The following HBS1L variants were observed in gnomAD, a reference collection of about 807,000 sequenced individuals.
The protein encoded by HBS1L is HBS1 like translational GTPase, also known as HBS1-like protein.
A neutral mutation model predicts 88.9 loss-of-function variants in HBS1L; 55 were observed. The observed-to-expected ratio is 0.62, with a 90% CI of 0.50 to 0.77. The LOEUF (loss-of-function observed/expected upper bound fraction) is 0.77, where lower values mean the gene tolerates loss of function less well. Among genes scored for constraint, HBS1L ranks in the 30% least tolerant of loss-of-function variants. The pLI, the probability that HBS1L is intolerant of heterozygous loss-of-function variation, is 0.00. For synonymous variants in HBS1L, 267 were observed against 288.5 expected, an observed-to-expected ratio of 0.93 and a Z score of 0.76; for missense variants, 741 against 829.3, an observed-to-expected ratio of 0.89 and a Z score of 1.31.
intron 4 of HBS1L, among the ~76,000 whole-genome samples, chr6:135,022,306 G>C (rs545109069): frequency 1.4e-5 from 2 of 144,858 alleles, no homozygotes; most frequent in South Asian, 2.2e-4. Context: ...CATGTGATTA[G>C]AATTTGTAAG....
chr6:135,036,632 G>C (rs754599923), intron 4 of HBS1L: 1 of 1,549,034 alleles, frequency 6.5e-7, no homozygotes, highest in Non-Finnish European at 8.7e-7. Context: ...AAGTCAAATG[G>C]TGTTATTGCT....
chr6:135,037,855 T>C, intron 4 of HBS1L: 1 of 1,547,110 alleles, frequency 6.5e-7, no homozygotes, highest in Non-Finnish European at 8.7e-7. Context: ...AAGTTTCTTT[T>C]TTCTATGGAG....
intron 1 of HBS1L, among the ~76,000 whole-genome samples, chr6:135,054,115 G>T (rs1777170128): frequency 2.0e-5 from 3 of 152,306 alleles, no homozygotes. Flanking sequence ...TTTCCACTTT[G>T]AAATTCGTTG....
intron 4 of HBS1L, among the ~76,000 whole-genome samples, chr6:135,029,689 G>A (rs1484627176): frequency 6.6e-6 from 1 of 151,964 alleles, no homozygotes; most frequent in Non-Finnish European, 1.5e-5. Flanking sequence ...AGAAATGTAG[G>A]ATGCTCATTT....
At chr6:135,023,367 C>T (rs1776130618) in intron 4 of HBS1L, among the ~76,000 whole-genome samples, 1 of 152,034 alleles carries the variant, frequency 6.6e-6, no homozygotes, top group African/African-American at 2.4e-5. Context: ...TGGTGTGAAC[C>T]CCAGAGGCGG....
chr6:135,013,232 T>G (rs764216221), intron 4 of HBS1L, among the ~76,000 whole-genome samples: 1 of 152,198 alleles, frequency 6.6e-6, no homozygotes, highest in African/African-American at 2.4e-5. Flanking sequence ...AGCCAATACA[T>G]GTAAAGTACA....
chr6:135,041,941 T>C lies in HBS1L; in HGVS notation c.235+60A>G, dbSNP rs973930625. 20 of 1,474,516 alleles carry C rather than the reference T, an allele frequency of 1.4e-5. No individual in the cohort carries two copies. The African/African-American group carries it at 2.8e-4, about 20-fold the overall frequency. The allele number at this position is 1,474,516 out of a possible 1,614,324, so 91.3% of individuals were successfully genotyped here. On this transcript the variant is annotated intron_variant, in intron 3 of 17. Coordinates refer to ENST00000367837, the MANE Select transcript of HBS1L (RefSeq NM_006620.4). ...TTATAAACACAATAAAACTGATAAA[T>C]TCTGGTGTATTTGGTCATTAATCAC...
chr6:134,992,211 T>C lies in HBS1L; in HGVS notation c.1083+1547A>G, dbSNP rs117903857. Among the ~76,000 whole-genome samples, 70 of 152,352 alleles carry C rather than the reference T, an allele frequency of 4.6e-4. 1 individual carries two copies. In the East Asian group the frequency reaches 9.4e-3, roughly 21 times the overall value. On this transcript the variant is annotated intron_variant, in intron 8 of 17. Transcript: ENST00000367837. ...TTATGAAAGAAATCAATGTCCTATATATGCAGTGCTATTTTCATTGCTTTA... is the reference window on the plus strand; with the variant it reads ...TTATGAAAGAAATCAATGTCCTATACATGCAGTGCTATTTTCATTGCTTTA...
At chr6:135,037,264 C>T (rs148515653) in intron 4 of HBS1L, 2 of 1,551,972 alleles carry the variant, frequency 1.3e-6, no homozygotes, top group African/African-American at 2.7e-5. Flanking sequence ...TGACTGGTTA[C>T]AAAGGTCAGA....
Position 135,039,620 on chromosome 6 carries a change from A to C in HBS1L, c.383T>G (p.Leu128Trp), listed in dbSNP as rs1415908902. 9 of 1,614,038 alleles carry C rather than the reference A, an allele frequency of 5.6e-6. No individual in the cohort carries two copies. The highest frequency in any genetic ancestry group is 7.6e-6 in the Non-Finnish European group (9 of 1,180,020). ...GVLEQDRVQSLKDKNEATVST... is the reference protein window; with the variant it reads ...GVLEQDRVQSWKDKNEATVST... The stretch of plus-strand genomic sequence containing the variant: ...TACTGTTGCCTCATTCTTGTCCTTC[A>C]AACTCTGCACTCTATCTTGTTCCAG... Residue 128 changes from leucine (L) to tryptophan (W), a missense_variant, in exon 4 of 18, where the codon TTG (leucine) becomes TGG (tryptophan). Around this residue, in one of 3 missense-constraint regions of HBS1L, gnomAD observed 556 missense variants for 598.4 expected, o/e 0.93. Coordinates refer to ENST00000367837, the MANE Select transcript of HBS1L (RefSeq NM_006620.4).
chr6:135,016,455 T>C (rs1186914336), intron 4 of HBS1L, among the ~76,000 whole-genome samples: 2 of 152,234 alleles, frequency 1.3e-5, no homozygotes, highest in Non-Finnish European at 2.9e-5. Context: ...CTAATCTTCC[T>C]TTAATAATAA....
At chr6:134,974,486 T>TA (rs1774585564) in intron 15 of HBS1L, among the ~76,000 whole-genome samples, 1 of 152,058 alleles carries the variant, frequency 6.6e-6, no homozygotes, top group Admixed American at 6.6e-5. Context: ...ACACCCCTGA[T>TA]AAACACAGAT....
chr6:134,974,677 T>C (rs988957587), intron 15 of HBS1L, among the ~76,000 whole-genome samples: 3 of 148,320 alleles, frequency 2.0e-5, no homozygotes, highest in African/African-American at 7.4e-5. Context: ...ATCATCTCAA[T>C]AGATGCGGAA....
intron 4 of HBS1L, 72 bp from the exon 5 acceptor site, chr6:135,002,914 TTTAAA>T (rs78074109): frequency 0.51 from 429,877 of 843,068 alleles, 110,005 homozygotes; most frequent in South Asian, 0.59. Context: ...TACATAGTAT[TTTAAA>T]TTATAGATTA....
intron 4 of HBS1L, among the ~76,000 whole-genome samples, chr6:135,004,146 T>G: frequency 6.6e-6 from 1 of 152,078 alleles, no homozygotes; most frequent in East Asian, 1.9e-4. Context: ...TTTAAAATGT[T>G]TGCTATTTGC....
chr6:135,014,631 A>G (rs567156554), intron 4 of HBS1L, among the ~76,000 whole-genome samples: 2 of 152,262 alleles, frequency 1.3e-5, no homozygotes, highest in East Asian at 3.9e-4. Flanking sequence ...AATCTTAGGA[A>G]GGCAAAACAT....
intron 12 of HBS1L, among the ~76,000 whole-genome samples, chr6:134,984,240 T>C (rs997123856): frequency 7.9e-5 from 12 of 152,216 alleles, no homozygotes; most frequent in African/African-American, 2.7e-4. Flanking sequence ...CTAATAATGA[T>C]AATGATAAAT....
chr6:134,971,635 G>C (rs374801420), intron 15 of HBS1L, among the ~76,000 whole-genome samples: 4 of 152,124 alleles, frequency 2.6e-5, no homozygotes. Context: ...GAAAATAACA[G>C]AGGGAAGTGA....
Position 134,997,481 on chromosome 6 carries a change from CAG to C in HBS1L, c.713_714del (p.Ser238TrpfsTer32). ...QSSTPAPVKK[S>X]GKLRQQIDVK... ...ACATCTATTTGCTGCCTCAGCTTGC[CAG>C]ACTTTTTCACCGGTGCTGGGGTTGA... On this transcript the variant is annotated frameshift_variant, in exon 6 of 18. Transcript: ENST00000367837. LOFTEE classifies it high-confidence loss of function. 1 of 1,614,044 alleles carries C rather than the reference CAG, an allele frequency of 6.2e-7. No individual in the cohort carries two copies. The highest frequency in any genetic ancestry group is 8.5e-7 in the Non-Finnish European group (1 of 1,179,982).
Sources: gnomAD v4.1 joint callset for allele counts (sites outside exome capture counted in the v4.1 genomes callset) on GRCh38, gnomAD v4.1.1 for gene constraint, gnomAD v4.1.1 regional missense constraint, MANE v1.5 for transcripts, NCBI Gene and HGNC (gene_info 2026-07-23, HGNC 2026-07-21) for gene names.